The following LDHC variants were observed in gnomAD, a reference collection of about 807,000 sequenced individuals.
LDHC encodes the protein L-lactate dehydrogenase C chain.
LDHC carries 20 observed loss-of-function variants against 30.2 expected under a neutral mutation model. That is an observed-to-expected ratio of 0.66 (90% CI 0.47 to 0.96). The LOEUF is 0.96. LDHC is among the 40% of genes least tolerant of loss of function. The pLI is 0.00. For synonymous variants in LDHC, 139 were observed against 132.7 expected (o/e 1.05, Z -0.32); for missense variants, 362 against 394.9 (o/e 0.92, Z 0.71).
At chr11:18,417,223 G>A (rs78454952) in intron 3 of LDHC, among the ~76,000 whole-genome samples, 18,546 of 152,114 alleles carry the variant, frequency 0.12, 1,151 homozygotes, top group Admixed American at 0.16. Flanking sequence ...GCACACTACA[G>A]TCTTGAACTC....
chr11:18,440,330 A>C (rs898552414), intron 6 of LDHC, among the ~76,000 whole-genome samples: 1 of 151,968 alleles, frequency 6.6e-6, no homozygotes, highest in Non-Finnish European at 1.5e-5. Flanking sequence ...ACAAACAAAT[A>C]AATAAATAAA....
At chr11:18,418,334 G>A (rs1867059362) in intron 3 of LDHC, among the ~76,000 whole-genome samples, 1 of 149,396 alleles carries the variant, frequency 6.7e-6, no homozygotes, top group South Asian at 2.2e-4. Flanking sequence ...TTTACTAGTT[G>A]AGAGTGTTTA....
chr11:18,419,634 T>A (rs932432910), intron 3 of LDHC, among the ~76,000 whole-genome samples: 3 of 152,100 alleles, frequency 2.0e-5, no homozygotes, highest in Non-Finnish European at 4.4e-5. Context: ...AGAACCAGCA[T>A]AACAGAAACA....
chr11:18,434,875 G>A lies in LDHC; in HGVS notation c.554G>A (p.Cys185Tyr). ...GEKLGVHPTS[C>Y]HGWIIGEHGD... ...AAGTTGGGTGTCCACCCCACAAGCT[G>A]CCATGGTTGGATTATTGGAGAACAT... Residue 185 changes from cysteine (C) to tyrosine (Y), a missense_variant, in exon 5 of 8, where the codon TGC becomes TAC. Transcript: ENST00000541669. The A allele has an allele frequency of 6.2e-7, 1 of 1,613,424 alleles. No homozygotes were observed. The highest frequency in any genetic ancestry group is 8.5e-7 in the Non-Finnish European group (1 of 1,179,368).
In LDHC at chr11:18,412,740, T is replaced by A. The variant is rs1866915330; in HGVS notation, c.23T>A (p.Leu8Gln). Residue 8 changes from leucine to glutamine, a missense_variant, in exon 2 of 8, where the codon CTA becomes CAA. Physicochemically the swap from Leu to Gln is moderately radical, Grantham distance 113. Coordinates refer to ENST00000541669, the MANE Select transcript of LDHC (RefSeq NM_017448.5). The part of the protein sequence containing the change: MSTVKEQ[L>Q]IEKLIEDDEN... The stretch of plus-strand genomic sequence containing the variant: ...CAAATGTCAACTGTCAAGGAGCAGC[T>A]AATTGAGAAGCTAATTGAGGATGAT... 1 of 1,613,922 alleles carries A rather than the reference T, an allele frequency of 6.2e-7. No individual in the cohort carries two copies. The highest frequency in any genetic ancestry group is 2.2e-5 in the East Asian group (1 of 44,892).
chr11:18,437,575 A>C (rs1001942036), intron 5 of LDHC, among the ~76,000 whole-genome samples: 5 of 152,022 alleles, frequency 3.3e-5, no homozygotes, highest in Admixed American at 6.6e-5. Context: ...ACACAGTGAA[A>C]ACCCGTCTCT....
intron 4 of LDHC, among the ~76,000 whole-genome samples, chr11:18,431,635 T>C (rs1336904945): frequency 6.6e-6 from 1 of 152,158 alleles, no homozygotes; most frequent in African/African-American, 2.4e-5. Context: ...AATCTCCTTG[T>C]CGCAGGTTCA....
chr11:18,446,949 A>G (rs1350107265), intron 7 of LDHC, among the ~76,000 whole-genome samples: 1 of 152,202 alleles, frequency 6.6e-6, no homozygotes, highest in Non-Finnish European at 1.5e-5. Context: ...AGATGCTTAT[A>G]GTAAAGATCA....
At chr11:18,449,461 A>AAAAG (rs71047598) in intron 7 of LDHC, among the ~76,000 whole-genome samples, 1 of 140,610 alleles carries the variant, frequency 7.1e-6, no homozygotes, top group Non-Finnish European at 1.5e-5. Context: ...AAAAAAAAAA[A>AAAAG]GAGGATAGGG....
intron 2 of LDHC, 138 bp downstream of exon 2, chr11:18,412,981 C>CCCT: frequency 2.8e-6 from 1 of 352,524 alleles, no homozygotes; most frequent in Non-Finnish European, 4.7e-6. Flanking sequence ...CTCCCTCCCT[C>CCCT]CCTCCCTTCC....
At chr11:18,412,498 G>A (rs1590220745) in intron 1 of LDHC, 90 bp downstream of exon 1, 1 of 481,400 alleles carries the variant, frequency 2.1e-6, no homozygotes, top group South Asian at 2.2e-5. Flanking sequence ...GTGGTGGCTG[G>A]GGGCAGGGAG....
Position 18,414,357 on chromosome 11 carries a change from T to A in LDHC, c.127-827T>A, listed in dbSNP as rs1244859409. Among the ~76,000 whole-genome samples, 4 of 152,104 alleles carry A rather than the reference T, an allele frequency of 2.6e-5. No homozygotes were observed. In the East Asian group the frequency reaches 7.7e-4, roughly 29 times the overall value. On this transcript the variant is annotated intron_variant, in intron 2 of 7. Coordinates refer to ENST00000541669, the MANE Select transcript of LDHC (RefSeq NM_017448.5). ...AAAACCAATGTTAATTGTACTGCAC[T>A]GAAACATATGGAATGGGTTCCCATG... is the stretch of plus-strand genomic sequence containing the variant.
chr11:18,435,068 A>C (rs1409167815), intron 5 of LDHC, among the ~76,000 whole-genome samples, 155 bp downstream of exon 5: 1 of 152,084 alleles, frequency 6.6e-6, no homozygotes, highest in Admixed American at 6.6e-5. Flanking sequence ...TTTAGTTTCA[A>C]TCTTTTGCAT....
rs1220730000 is a variant in LDHC at position 18,451,451 on chromosome 11, AACCAAGCCCTTTTTCTAGTATT to A, written c.*327_*348del. 1 of 160,794 alleles carries A rather than the reference AACCAAGCCCTTTTTCTAGTATT, an allele frequency of 6.2e-6. No individual in the cohort carries two copies. Among genetic ancestry groups the A allele is most frequent in the African/African-American group, 2.4e-5 (1 of 41,820 alleles). 10.0% of individuals were successfully genotyped at this position (160,794 alleles called of 1,614,324 possible). ...ATACAGAGCTTTGATTCTTTTCACA[AACCAAGCCCTTTTTCTAGTATT>A]ACAATTTTATCTTGTACTTTCATCC... On this transcript the variant is annotated 3_prime_UTR_variant, in exon 8 of 8. Coordinates refer to ENST00000541669, the MANE Select transcript of LDHC (RefSeq NM_017448.5).
At chr11:18,438,684 C>A (rs375575874) in intron 6 of LDHC, 39 bp downstream of exon 6, 3 of 1,047,474 alleles carry the variant, frequency 2.9e-6, no homozygotes, top group African/African-American at 3.1e-5. Flanking sequence ...CCTTAATAGT[C>A]AGTCTTAAGA....
intron 6 of LDHC, among the ~76,000 whole-genome samples, chr11:18,441,972 T>C (rs1848474259): frequency 6.6e-6 from 1 of 152,286 alleles, no homozygotes; most frequent in East Asian, 1.9e-4. Flanking sequence ...CTATCACTGC[T>C]TGGGGCACAC....
intron 3 of LDHC, among the ~76,000 whole-genome samples, chr11:18,417,822 C>T (rs945970289): frequency 1.6e-4 from 24 of 151,962 alleles, no homozygotes; most frequent in Non-Finnish European, 4.4e-5. Context: ...AATAATGTAA[C>T]ATTGGGAGGC....
In LDHC at chr11:18,414,935, AC is replaced by A. The variant is rs1363921984; in HGVS notation, c.127-248del. 4.6e-5 allele frequency among the ~76,000 whole-genome samples: 7 copies of A among 151,912 alleles called. No individual in the cohort carries two copies. The South Asian group carries it at 6.2e-4, about 14-fold the overall frequency. On this transcript the variant is annotated intron_variant, in intron 2 of 7. Transcript: ENST00000541669. ...ACTGTTATCTGAATGGCAAAAAAAA[AC>A]AAAAACAAAAAACACCCAGCTCTAA...
intron 3 of LDHC, among the ~76,000 whole-genome samples, chr11:18,424,282 T>C (rs575220976): frequency 6.6e-5 from 10 of 152,138 alleles, no homozygotes; most frequent in African/African-American, 2.4e-4. Context: ...CTCAGGAGTC[T>C]GAGGCAGGGG....
Sources: gnomAD v4.1 joint callset for allele counts (sites outside exome capture counted in the v4.1 genomes callset) on GRCh38, gnomAD v4.1.1 for gene constraint, MANE v1.5 for transcripts, NCBI Gene and HGNC (gene_info 2026-07-23, HGNC 2026-07-21) for gene names.